Variants in SYNPO observed in about 807,000 individuals in gnomAD.
SYNPO encodes the protein synaptopodin.
Under a neutral mutation model 49.5 loss-of-function variants are expected in SYNPO, and 19 were observed. The ratio of observed to expected loss-of-function variants is 0.38; its 90% CI spans 0.27 to 0.56. The LOEUF is 0.56. Ranked by LOEUF, SYNPO falls within the 20% of genes least tolerant of loss-of-function variation. The pLI, the probability that SYNPO is intolerant of heterozygous loss-of-function variation, is 0.68. For synonymous variants in SYNPO, 536 were observed against 548.0 expected (o/e 0.98, Z 0.31); for missense variants, 1,131 against 1,248.3 (o/e 0.91, Z 1.42).
chr5:150,646,793 A>G (rs1040473988), intron 1 of SYNPO, among the ~76,000 whole-genome samples: 1 of 152,234 alleles, frequency 6.6e-6, no homozygotes, highest in Admixed American at 6.5e-5. Flanking sequence ...GTTTAAAAAA[A>G]TTAGAGCACA....
chr5:150,652,490 C>T, intron 2 of SYNPO: 2 of 826,390 alleles, frequency 2.4e-6, no homozygotes, highest in Non-Finnish European at 2.9e-6. Context: ...TGCCGTGTGT[C>T]TGGTTCTGCA....
At position 150,657,105 on chromosome 5, in the gene SYNPO, C is replaced by T; in HGVS notation, c.*18C>T. The T allele has an allele frequency of 6.4e-7, 1 of 1,553,468 alleles. No individual in the cohort carries two copies. Among genetic ancestry groups the T allele is most frequent in the South Asian group, 1.2e-5 (1 of 84,672 alleles). On this transcript the variant is annotated 3_prime_UTR_variant, in exon 3 of 3. Transcript: ENST00000307662. ...CCACCTAGAGCCCCACCCCCGACCC[C>T]ACCCCGGGAGGGCAGAGCCAGAAGA...
chr5:150,642,672 CTTTG>C (rs1309843535), intron 1 of SYNPO, among the ~76,000 whole-genome samples: 2 of 152,218 alleles, frequency 1.3e-5, no homozygotes, highest in South Asian at 2.1e-4. Context: ...GCCTCCCCAG[CTTTG>C]TTTGTGAAGG....
At chr5:150,618,513 A>T (rs1757045538) in exon 2 of SYNPO, 1 of 1,551,052 alleles carries the variant, frequency 6.4e-7, no homozygotes, top group Middle Eastern at 1.7e-4. Flanking sequence ...CTGCAGGGAG[A>T]GGTGGGGCCT....
intron 2 of SYNPO, among the ~76,000 whole-genome samples, chr5:150,619,060 C>T (rs1386276708): frequency 1.3e-5 from 2 of 152,120 alleles, no homozygotes; most frequent in Non-Finnish European, 2.9e-5. Context: ...ATGCCCATTT[C>T]CCACTCTCGT....
At chr5:150,614,191 A>G (rs969083130) in intron 1 of SYNPO, among the ~76,000 whole-genome samples, 10 of 152,228 alleles carry the variant, frequency 6.6e-5, no homozygotes. Flanking sequence ...TGCAGGCAGT[A>G]AAAGTGAAGC....
intron 2 of SYNPO, chr5:150,618,832 C>G (rs1757060718): frequency 1.3e-6 from 2 of 1,533,470 alleles, no homozygotes; most frequent in African/African-American, 2.8e-5. Context: ...GTCCTTAGTA[C>G]AAGGGCTCCT....
the SYNPO span, among the ~76,000 whole-genome samples, chr5:150,592,222 G>A: frequency 6.6e-6 from 1 of 152,102 alleles, no homozygotes; most frequent in Non-Finnish European, 1.5e-5. Flanking sequence ...ATGCCCATTA[G>A]GTTTGAATTT....
At position 150,649,349 on chromosome 5, in the gene SYNPO, G is replaced by A. The variant is rs749200271; in HGVS notation, c.1074G>A (p.Ala358=). The A allele has an allele frequency of 3.2e-5, 52 of 1,614,070 alleles. No homozygotes were observed. The South Asian group carries it at 4.2e-4, about 13-fold the overall frequency. The change falls in exon 2 of 3, where the codon GCG becomes GCA. Residue 358 remains alanine (A), a synonymous_variant. Transcript: ENST00000307662. ...DPKSSHLKGQ[A]VPASKTGILE... is the part of the protein sequence containing the mutation. Reference sequence around the variant, plus strand: ...AGTCTTCTCATCTGAAGGGCCAGGCGGTTCCTGCCAGCAAGACGGGCATTC... The same window carrying A: ...AGTCTTCTCATCTGAAGGGCCAGGCAGTTCCTGCCAGCAAGACGGGCATTC...
chr5:150,586,888 A>G, the SYNPO span, among the ~76,000 whole-genome samples: 2 of 152,170 alleles, frequency 1.3e-5, no homozygotes, highest in African/African-American at 4.8e-5. Flanking sequence ...GCATGTATGT[A>G]TATGTGGATT....
intron 2 of SYNPO, among the ~76,000 whole-genome samples, chr5:150,635,340 C>T (rs1021257121): frequency 1.3e-5 from 2 of 152,182 alleles, no homozygotes; most frequent in Non-Finnish European, 2.9e-5. Context: ...GTGCTGCTGC[C>T]GGCTGGAGCC....
chr5:150,656,672 G>A lies in SYNPO; in HGVS notation c.2297G>A (p.Arg766Gln), dbSNP rs1398008537. 2.7e-6 allele frequency: 4 copies of A among 1,474,276 alleles called. No homozygotes were observed. Among genetic ancestry groups the A allele is most frequent in the African/African-American group, 1.5e-5 (1 of 68,408 alleles). The allele number at this position is 1,474,276 out of a possible 1,614,324, so 91.3% of individuals were successfully genotyped here. The part of the protein sequence containing the change: ...LLARNIINAA[R>Q]RKSASPRSAG... ...GCGCGAAACATCATCAATGCGGCCC[G>A]GCGCAAGAGCGCCTCCCCGCGGTCG... Residue 766 changes from arginine to glutamine, a missense_variant, in exon 3 of 3, where the codon CGG (arginine) becomes CAG (glutamine). Arg to Gln is a conservative substitution (Grantham distance 43). Transcript: ENST00000307662.
intron 2 of SYNPO, among the ~76,000 whole-genome samples, chr5:150,655,179 C>T (rs1047866454): frequency 6.6e-6 from 1 of 152,182 alleles, no homozygotes; most frequent in African/African-American, 2.4e-5. Context: ...ATAGATAATA[C>T]ATTCATATGG....
intron 2 of SYNPO, among the ~76,000 whole-genome samples, chr5:150,622,283 C>T (rs1757204486): frequency 6.6e-6 from 1 of 152,172 alleles, no homozygotes; most frequent in South Asian, 2.1e-4. Flanking sequence ...GATTTGAACC[C>T]CAGGAGGTCT....
In SYNPO at chr5:150,656,978, G is replaced by A. The variant is rs563540400; in HGVS notation, c.2603G>A (p.Gly868Glu). ...GTGTCCCTCGACTCCGAGGACTCCG[G>A]GGCTAAGTCTCCAGGCATCCTGGGC... ...SDVSLDSEDS[G>E]AKSPGILGYN... The change falls in exon 3 of 3, where the codon GGG (glycine) becomes GAG (glutamate). Residue 868 changes from glycine to glutamate, a missense_variant. Gly to Glu is a moderately conservative substitution (Grantham distance 98). Transcript: ENST00000307662. 2.9e-5 allele frequency: 46 copies of A among 1,596,412 alleles called. 1 individual carries two copies. The South Asian group carries it at 4.8e-4, about 17-fold the overall frequency.
At chr5:150,587,373 G>A in the SYNPO span, among the ~76,000 whole-genome samples, 44 of 152,032 alleles carry the variant, frequency 2.9e-4, no homozygotes, top group Non-Finnish European at 6.0e-4. Context: ...TTCATGGATA[G>A]ATATGTGGAT....
chr5:150,606,720 G>A lies in SYNPO; in HGVS notation c.-266+5532G>A, dbSNP rs184145869. On this transcript the variant is annotated intron_variant, in intron 1 of 2. Coordinates refer to the SYNPO transcript ENST00000394243. ...AGGGTTGGAAGGAACAGGGCTGAACGTCTGAGTGTGTGCTGAGCCAAGGCT... is the reference window on the plus strand; with the variant it reads ...AGGGTTGGAAGGAACAGGGCTGAACATCTGAGTGTGTGCTGAGCCAAGGCT... Among the ~76,000 whole-genome samples, 37 of 152,370 alleles carry A rather than the reference G, an allele frequency of 2.4e-4. No individual in the cohort carries two copies. The East Asian group carries it at 6.0e-3, about 25-fold the overall frequency.
chr5:150,600,066 CT>C (rs1756494012), upstream of SYNPO, among the ~76,000 whole-genome samples: 1 of 152,228 alleles, frequency 6.6e-6, no homozygotes, highest in Non-Finnish European at 1.5e-5. Context: ...ATTTTCTGTC[CT>C]GCCATCATTT....
intron 2 of SYNPO, among the ~76,000 whole-genome samples, chr5:150,654,799 T>TG (rs1758501082): frequency 6.6e-6 from 1 of 152,202 alleles, no homozygotes. Context: ...GCAAATGGTT[T>TG]GGGGCTGAGA....
Sources: gnomAD v4.1 joint callset for allele counts (sites outside exome capture counted in the v4.1 genomes callset) on GRCh38, gnomAD v4.1.1 for gene constraint, MANE v1.5 for transcripts, NCBI Gene and HGNC (gene_info 2026-07-23, HGNC 2026-07-21) for gene names.